The following ALOX5AP variants were observed in gnomAD, a reference collection of about 807,000 sequenced individuals.
ALOX5AP encodes the protein arachidonate 5-lipoxygenase activating protein.
Under a neutral mutation model 18.5 loss-of-function variants are expected in ALOX5AP, and 9 were observed. The ratio of observed to expected loss-of-function variants is 0.49; its 90% CI spans 0.29 to 0.85. The LOEUF is 0.85. ALOX5AP is among the 40% of genes least tolerant of loss of function. The pLI is 0.08. For synonymous variants in ALOX5AP, 81 were observed against 78.6 expected (o/e 1.03, Z -0.16); for missense variants, 172 against 202.5 (o/e 0.85, Z 0.91).
At chr13:30,726,587 T>A (rs1379858596) in intron 1 of ALOX5AP, among the ~76,000 whole-genome samples, 1 of 152,226 alleles carries the variant, frequency 6.6e-6, no homozygotes, top group Non-Finnish European at 1.5e-5. Context: ...TAGTTATAAA[T>A]GTAAGTCAAA....
chr13:30,718,858 C>T (rs972250011), intron 1 of ALOX5AP, among the ~76,000 whole-genome samples: 5 of 152,226 alleles, frequency 3.3e-5, no homozygotes, highest in African/African-American at 1.2e-4. Flanking sequence ...ACACTCCCTC[C>T]CCCAAGTTCA....
At chr13:30,732,608 G>C (rs1375067784), upstream of ALOX5AP, among the ~76,000 whole-genome samples, 1 of 152,176 alleles carries the variant, frequency 6.6e-6, no homozygotes, top group Non-Finnish European at 1.5e-5. Context: ...TCCAAGAATG[G>C]ACACCCGGGC....
In ALOX5AP at chr13:30,755,978, T is replaced by G. The variant is rs201756102; in HGVS notation, c.276T>G (p.Phe92Leu). The change falls in exon 4 of 5, where the codon TTT becomes TTG. Residue 92 changes from phenylalanine to leucine, a missense_variant. Transcript: ENST00000380490. ...PAAFAGLMYL[F>L]VRQKYFVGYL... ...CGTTTGCTGGACTGATGTACTTGTT[T>G]GTGAGGCAAAAGTACTTTGTCGGTT... is the stretch of plus-strand genomic sequence containing the variant. 6.2e-7 allele frequency: 1 copy of G among 1,614,188 alleles called. No homozygotes were observed. Among genetic ancestry groups the G allele is most frequent in the Non-Finnish European group, 8.5e-7 (1 of 1,180,008 alleles).
At chr13:30,750,467 C>T (rs1951843677) in intron 2 of ALOX5AP, among the ~76,000 whole-genome samples, 2 of 152,126 alleles carry the variant, frequency 1.3e-5, no homozygotes, top group South Asian at 4.1e-4. Context: ...AGGAGGACAC[C>T]TATGATTTAA....
At chr13:30,751,789 A>G (rs1057168049) in intron 2 of ALOX5AP, among the ~76,000 whole-genome samples, 2 of 152,216 alleles carry the variant, frequency 1.3e-5, no homozygotes, top group Non-Finnish European at 2.9e-5. Context: ...AGAGGAATAC[A>G]TCAAGAAACC....
intron 1 of ALOX5AP, among the ~76,000 whole-genome samples, chr13:30,727,291 G>A (rs986900593): frequency 2.6e-5 from 4 of 151,766 alleles, no homozygotes; most frequent in Non-Finnish European, 4.4e-5. Context: ...TGACCCACCT[G>A]CTTTGACCTC....
chr13:30,717,171 C>T (rs932307208), intron 1 of ALOX5AP, among the ~76,000 whole-genome samples: 6 of 152,224 alleles, frequency 3.9e-5, no homozygotes, highest in African/African-American at 9.6e-5. Context: ...GCAGGCAGGA[C>T]GTTCCAAAGC....
rs1374331811 is a variant in ALOX5AP at position 30,735,597 on chromosome 13, G to A, written c.-9G>A. ...CAGAGCAGTCCTCTCTGGGGAGCCT[G>A]AAGCAAACATGGATCAAGAAACTGT... is the stretch of plus-strand genomic sequence containing the variant. On this transcript the variant is annotated 5_prime_UTR_variant, in exon 1 of 5. Coordinates refer to ENST00000380490, the MANE Select transcript of ALOX5AP (RefSeq NM_001629.4). 1 of 1,614,212 alleles carries A rather than the reference G, an allele frequency of 6.2e-7. No homozygotes were observed. Among genetic ancestry groups the A allele is most frequent in the Admixed American group, 1.7e-5 (1 of 60,026 alleles).
At chr13:30,741,837 T>TTTG (rs1555255434) in intron 1 of ALOX5AP, among the ~76,000 whole-genome samples, 82 of 150,972 alleles carry the variant, frequency 5.4e-4, no homozygotes, top group African/African-American at 1.9e-3. Context: ...TTCTGTTTTT[T>TTTG]TTTTTTTTTT....
intron 3 of ALOX5AP, among the ~76,000 whole-genome samples, chr13:30,755,085 C>G (rs192783428): frequency 1.3e-4 from 20 of 152,226 alleles, no homozygotes; most frequent in African/African-American, 4.3e-4. Flanking sequence ...GGCAGTTTCC[C>G]AAAAAGCTAG....
upstream of ALOX5AP, among the ~76,000 whole-genome samples, chr13:30,734,192 T>G (rs17222919): frequency 0.14 from 22,048 of 152,220 alleles, 1,626 homozygotes; most frequent in South Asian, 0.22. Context: ...CCCTAGGTAC[T>G]CAGGGAGTAC....
chr13:30,747,594 T>C (rs1423768157), intron 2 of ALOX5AP, among the ~76,000 whole-genome samples: 2 of 152,344 alleles, frequency 1.3e-5, no homozygotes, highest in African/African-American at 4.8e-5. Context: ...AAGATTCCTC[T>C]TTGTGAGTGT....
At chr13:30,749,953 T>C (rs774061433) in intron 2 of ALOX5AP, among the ~76,000 whole-genome samples, 5 of 152,148 alleles carry the variant, frequency 3.3e-5, no homozygotes, top group Non-Finnish European at 7.3e-5. Context: ...CCCTAATGGT[T>C]TGCATGAGCA....
chr13:30,713,783 G>A (rs892384826), exon 1 of ALOX5AP: 1 of 1,535,720 alleles, frequency 6.5e-7, no homozygotes, highest in Non-Finnish European at 8.7e-7. Context: ...GAAAACTTCT[G>A]AATTTGGGAA....
intron 2 of ALOX5AP, among the ~76,000 whole-genome samples, chr13:30,750,349 C>T (rs1951842732): frequency 6.6e-6 from 1 of 152,158 alleles, no homozygotes; most frequent in Admixed American, 6.5e-5. Flanking sequence ...AGTCAAGTGA[C>T]CTTTCCTCTG....
At chr13:30,716,732 A>T (rs1217591894) in intron 1 of ALOX5AP, among the ~76,000 whole-genome samples, 2 of 152,246 alleles carry the variant, frequency 1.3e-5, no homozygotes, top group Non-Finnish European at 2.9e-5. Flanking sequence ...CTACAAGTCA[A>T]GGGGTTCCCC....
chr13:30,738,972 C>T (rs1011451634), intron 1 of ALOX5AP, among the ~76,000 whole-genome samples: 4 of 152,104 alleles, frequency 2.6e-5, no homozygotes, highest in Admixed American at 6.5e-5. Context: ...TCACAAGCAC[C>T]GTATTGGAAG....
intron 1 of ALOX5AP, among the ~76,000 whole-genome samples, chr13:30,741,672 G>C (rs985027300): frequency 1.3e-5 from 2 of 151,188 alleles, no homozygotes; most frequent in African/African-American, 4.9e-5. Flanking sequence ...GCCTCCCAAA[G>C]TGATGGGATT....
At chr13:30,738,210 G>T (rs1176506541) in intron 1 of ALOX5AP, among the ~76,000 whole-genome samples, 1 of 152,188 alleles carries the variant, frequency 6.6e-6, no homozygotes, top group Non-Finnish European at 1.5e-5. Context: ...CTGATTTTCT[G>T]TGATTGGGCA....
Sources: gnomAD v4.1 joint callset for allele counts (sites outside exome capture counted in the v4.1 genomes callset) on GRCh38, gnomAD v4.1.1 for gene constraint, MANE v1.5 for transcripts, NCBI Gene and HGNC (gene_info 2026-07-23, HGNC 2026-07-21) for gene names.